The following PGPEP1 variants were observed in gnomAD, a reference collection of about 807,000 sequenced individuals.
PGPEP1 encodes the protein pyroglutamyl-peptidase 1.
PGPEP1 carries 15 observed loss-of-function variants against 24.1 expected under a neutral mutation model. The ratio of observed to expected loss-of-function variants is 0.62; its 90% CI spans 0.42 to 0.96. The LOEUF is 0.96. PGPEP1 is among the 40% of genes least tolerant of loss of function. The pLI is 0.00. For missense variants in PGPEP1, 242 were observed against 273.4 expected, an observed-to-expected ratio of 0.89 and a Z score of 0.81; for synonymous variants, 122 against 116.4, an observed-to-expected ratio of 1.05 and a Z score of -0.31.
At chr19:18,353,518 C>A (rs2144556305) in intron 2 of PGPEP1, among the ~76,000 whole-genome samples, 3 of 152,232 alleles carry the variant, frequency 2.0e-5, no homozygotes, top group Admixed American at 2.0e-4. Flanking sequence ...CCAAATTAAT[C>A]ATTTTAAAGT....
chr19:18,359,708 A>G (rs936254275), intron 4 of PGPEP1, among the ~76,000 whole-genome samples: 1 of 151,850 alleles, frequency 6.6e-6, no homozygotes, highest in South Asian at 2.1e-4. Flanking sequence ...GGGTTTTGCC[A>G]TATTGGCCAC....
At chr19:18,343,003 C>T (rs1473789965) in intron 2 of PGPEP1, 92 bp downstream of exon 2, 25 of 737,224 alleles carry the variant, frequency 3.4e-5, no homozygotes, top group Non-Finnish European at 5.4e-5. Flanking sequence ...TTAACAAAAA[C>T]TTTTTTTTTT....
intron 2 of PGPEP1, among the ~76,000 whole-genome samples, chr19:18,343,980 G>A (rs893088733): frequency 1.3e-5 from 2 of 151,704 alleles, no homozygotes; most frequent in Admixed American, 6.6e-5. Flanking sequence ...CACTACCCCC[G>A]GCCAGGATCT....
chr19:18,363,551 G>C lies in PGPEP1; in HGVS notation c.598G>C (p.Glu200Gln), dbSNP rs764659334. Reference protein sequence around the residue: ...EEMLDLLEQSEGKINYCHKH With the variant: ...EEMLDLLEQSQGKINYCHKH ...GATGTTGGACCTCCTGGAGCAGTCA[G>C]AGGGCAAAATCAACTATTGCCACAA... Residue 200 changes from glutamate (E) to glutamine (Q), a missense_variant, in exon 5 of 5, where the codon GAG becomes CAG. Transcript: ENST00000269919. The C allele has an allele frequency of 6.2e-7, 1 of 1,613,876 alleles. No homozygotes were observed. The highest frequency in any genetic ancestry group is 2.2e-5 in the East Asian group (1 of 44,888).
chr19:18,360,203 T>C (rs1468262529), intron 4 of PGPEP1, among the ~76,000 whole-genome samples: 1 of 151,986 alleles, frequency 6.6e-6, no homozygotes, highest in African/African-American at 2.4e-5. Flanking sequence ...AGAATCTTGC[T>C]ACATTGCCCA....
At chr19:18,353,198 C>A (rs549651870) in intron 2 of PGPEP1, among the ~76,000 whole-genome samples, 1 of 151,712 alleles carries the variant, frequency 6.6e-6, no homozygotes, top group Admixed American at 6.6e-5. Context: ...GAATTACAGG[C>A]ATGAGCCACC....
In PGPEP1 at chr19:18,366,305, A is replaced by T. The variant is rs1426770932; in HGVS notation, c.*2722A>T. 6.6e-6 allele frequency: 1 copy of T among 152,150 alleles called. No homozygotes were observed. Among genetic ancestry groups the T allele is most frequent in the Admixed American group, 6.6e-5 (1 of 15,252 alleles). 9.4% of individuals were successfully genotyped at this position (152,150 alleles called of 1,614,324 possible). On this transcript the variant is annotated 3_prime_UTR_variant, in exon 5 of 5. Coordinates refer to ENST00000269919, the MANE Select transcript of PGPEP1 (RefSeq NM_017712.4). ...ACCTCTGTGTTTAAAGCACTGTGTG[A>T]CATAGCTCCTTAGAGATATAACCTA... is the stretch of plus-strand genomic sequence containing the variant.
At chr19:18,354,103 C>T (rs533586308) in intron 2 of PGPEP1, among the ~76,000 whole-genome samples, 26 of 152,174 alleles carry the variant, frequency 1.7e-4, no homozygotes, top group Middle Eastern at 6.8e-3. Context: ...GGCGTGATCC[C>T]GCATGTCTGT....
chr19:18,351,127 C>A (rs946748515), intron 2 of PGPEP1, among the ~76,000 whole-genome samples: 20 of 151,694 alleles, frequency 1.3e-4, no homozygotes, highest in Admixed American at 2.0e-4. Flanking sequence ...CAAAAATAAG[C>A]GGGGCATGGT....
At chr19:18,362,693 A>G (rs1396679629) in intron 4 of PGPEP1, among the ~76,000 whole-genome samples, 1 of 145,042 alleles carries the variant, frequency 6.9e-6, no homozygotes. Context: ...GTGCCACTGC[A>G]CTCCAACCTG....
In PGPEP1 at chr19:18,342,905, A is replaced by G. The variant is rs756464992; in HGVS notation, c.81A>G (p.Ala27=). The G allele has an allele frequency of 6.2e-7, 1 of 1,612,994 alleles. No individual in the cohort carries two copies. The highest frequency in any genetic ancestry group is 8.5e-7 in the Non-Finnish European group (1 of 1,179,018). The part of the protein sequence containing the change: ...GEHTVNASWI[A]VQELEKLGLG... ...ACACCGTGAACGCCAGTTGGATTGC[A>G]GTTCAGGTAACTTAGATCCGGAGGG... Residue 27 remains alanine (A), a synonymous_variant, in exon 2 of 5, where the codon GCA becomes GCG. Coordinates refer to ENST00000269919, the MANE Select transcript of PGPEP1 (RefSeq NM_017712.4).
At chr19:18,342,790 G>A in intron 1 of PGPEP1, 69 bp from the exon 2 acceptor site, 1 of 1,221,630 alleles carries the variant, frequency 8.2e-7, no homozygotes, top group Non-Finnish European at 1.2e-6. Context: ...GGTGGGAGTA[G>A]CGGCCAGGCC....
At chr19:18,343,679 C>CTTTTTT (rs3078437) in intron 2 of PGPEP1, among the ~76,000 whole-genome samples, 3 of 115,098 alleles carry the variant, frequency 2.6e-5, no homozygotes, top group Non-Finnish European at 3.5e-5. Flanking sequence ...GGATCTCCCT[C>CTTTTTT]TTTTTTTTTT....
In PGPEP1 at chr19:18,363,650, G is replaced by C; in HGVS notation, c.*67G>C. Reference sequence around the variant, plus strand: ...CCACGAGGGGACATCCACCCTCTGGGGTGTGGCCAGGAAAAGACAAGCTCT... The same window carrying C: ...CCACGAGGGGACATCCACCCTCTGGCGTGTGGCCAGGAAAAGACAAGCTCT... On this transcript the variant is annotated 3_prime_UTR_variant, in exon 5 of 5. Transcript: ENST00000269919. 8.2e-7 allele frequency: 1 copy of C among 1,224,858 alleles called. No homozygotes were observed. Among genetic ancestry groups the C allele is most frequent in the Non-Finnish European group, 1.2e-6 (1 of 865,762 alleles). The allele number at this position is 1,224,858 out of a possible 1,614,324, so 75.9% of individuals were successfully genotyped here.
chr19:18,354,183 C>T (rs368418559), intron 2 of PGPEP1, among the ~76,000 whole-genome samples: 5 of 152,106 alleles, frequency 3.3e-5, no homozygotes, highest in South Asian at 2.1e-4. Context: ...TGCAGTGAAC[C>T]GAGATCATAG....
intron 1 of PGPEP1, among the ~76,000 whole-genome samples, chr19:18,342,416 GA>G (rs1378186786): frequency 2.0e-5 from 3 of 152,180 alleles, no homozygotes. Context: ...AGGGGGCCTG[GA>G]GTTTGAGCTA....
At position 18,365,426 on chromosome 19, in the gene PGPEP1, T is replaced by G. The variant is rs555781675; in HGVS notation, c.*1843T>G. ...AGTGTGATCATGGATCACTGCAGCC[T>G]CTACCTCCTGGGCTCAAGTGATCCT... On this transcript the variant is annotated 3_prime_UTR_variant, in exon 5 of 5. Coordinates refer to ENST00000269919, the MANE Select transcript of PGPEP1 (RefSeq NM_017712.4). 1 of 152,460 alleles carries G rather than the reference T, an allele frequency of 6.6e-6. No individual in the cohort carries two copies. The highest frequency in any genetic ancestry group is 2.1e-4 in the South Asian group (1 of 4,864). 9.4% of individuals were successfully genotyped at this position (152,460 alleles called of 1,614,324 possible).
chr19:18,352,713 G>A (rs1034472147), intron 2 of PGPEP1, among the ~76,000 whole-genome samples: 1 of 151,396 alleles, frequency 6.6e-6, no homozygotes, highest in African/African-American at 2.4e-5. Flanking sequence ...GCACCATCAC[G>A]CCCAGATAAT....
intron 2 of PGPEP1, among the ~76,000 whole-genome samples, chr19:18,351,232 T>C (rs1338715912): frequency 2.6e-5 from 4 of 151,778 alleles, no homozygotes; most frequent in Non-Finnish European, 5.9e-5. Flanking sequence ...GCCACTGCAC[T>C]CCAGCCTGGG....
Sources: allele counts gnomAD v4.1 joint callset (sites outside exome capture counted in the v4.1 genomes callset), GRCh38; gene constraint gnomAD v4.1.1; transcripts MANE v1.5; gene names NCBI Gene and HGNC (gene_info 2026-07-23, HGNC 2026-07-21).